The following PTCHD4 variants were observed in gnomAD, a reference collection of about 807,000 sequenced individuals.
PTCHD4 encodes the protein patched domain containing 4, also known as patched domain-containing protein 4.
A neutral mutation model predicts 58.1 loss-of-function variants in PTCHD4; 33 were observed. The ratio of observed to expected loss-of-function variants is 0.57; its 90% CI spans 0.43 to 0.76. The LOEUF (loss-of-function observed/expected upper bound fraction) is 0.76, where lower values mean the gene tolerates loss of function less well. PTCHD4 is among the 30% of genes least tolerant of loss of function. The pLI, the probability that PTCHD4 is intolerant of heterozygous loss-of-function variation, is 0.00. For synonymous variants in PTCHD4, 478 were observed against 409.6 expected (o/e 1.17, Z -2.02); for missense variants, 1,058 against 1,027.1 (o/e 1.03, Z -0.41).
At position 48,068,268 on chromosome 6, in the gene PTCHD4, C is replaced by G; in HGVS notation, c.379G>C (p.Gly127Arg). ...ACGGCTCGGTGGGTCTGCAGGATCCCCTCAGCCTGGAGCAAAATATTGTCC... is the reference window on the plus strand; with the variant it reads ...ACGGCTCGGTGGGTCTGCAGGATCCGCTCAGCCTGGAGCAAAATATTGTCC... ...TGDNILLQAE[G>R]ILQTHRAVLE... The change falls in exon 3 of 5, where the codon GGG becomes CGG. Residue 127 changes from glycine (G) to arginine (R), a missense_variant. By Grantham distance (125) the Gly-to-Arg change is moderately radical (BLOSUM62 -2). Coordinates refer to ENST00000339488, the MANE Select transcript of PTCHD4 (RefSeq NM_001384253.1). The surrounding 1 kb of genome is among the most constrained non-coding windows in gnomAD (Gnocchi z 4.2). 6.2e-7 allele frequency: 1 copy of G among 1,603,988 alleles called. No homozygotes were observed.
intron 4 of PTCHD4, among the ~76,000 whole-genome samples, chr6:47,920,433 G>A (rs573298090): frequency 6.6e-6 from 1 of 152,246 alleles, no homozygotes; most frequent in South Asian, 2.1e-4. Context: ...GGGGAATTAA[G>A]CATTGTATTC....
At chr6:47,880,536 A>C (rs1431147736) in intron 4 of PTCHD4, among the ~76,000 whole-genome samples, 1 of 151,908 alleles carries the variant, frequency 6.6e-6, no homozygotes, top group Non-Finnish European at 1.5e-5. Context: ...GTTTTTAAAA[A>C]AAAAATCTGC....
chr6:47,911,324 C>T (rs1765061799), intron 4 of PTCHD4, among the ~76,000 whole-genome samples: 2 of 152,096 alleles, frequency 1.3e-5, no homozygotes, highest in Admixed American at 6.6e-5. Flanking sequence ...TGTAAACCTA[C>T]CACTCCCCAC....
At chr6:48,059,607 C>A (rs560425444) in intron 3 of PTCHD4, among the ~76,000 whole-genome samples, 6 of 152,096 alleles carry the variant, frequency 3.9e-5, no homozygotes, top group Admixed American at 3.9e-4. Flanking sequence ...CCACTGCACT[C>A]AGTCTGGGCG....
chr6:47,975,313 C>G (rs920689651), intron 4 of PTCHD4, among the ~76,000 whole-genome samples: 1 of 152,170 alleles, frequency 6.6e-6, no homozygotes, highest in Non-Finnish European at 1.5e-5. Context: ...TGCATTCTGG[C>G]TGAAGCAGGT....
intron 4 of PTCHD4, among the ~76,000 whole-genome samples, chr6:47,911,076 T>C (rs1474961671): frequency 6.6e-6 from 1 of 152,124 alleles, no homozygotes; most frequent in African/African-American, 2.4e-5. Context: ...GGTGGTCACT[T>C]GCTTACTGTT....
chr6:47,944,134 A>G (rs892042105), intron 4 of PTCHD4, among the ~76,000 whole-genome samples: 1 of 152,084 alleles, frequency 6.6e-6, no homozygotes, highest in African/African-American at 2.4e-5. Context: ...CTATGTTTCT[A>G]TAATAAAAAT....
rs960543042 is a variant in PTCHD4 at position 47,946,267 on chromosome 6, A to T, written c.898+62367T>A. Among the ~76,000 whole-genome samples, 8 of 152,234 alleles carry T rather than the reference A, an allele frequency of 5.3e-5. No individual in the cohort carries two copies. The South Asian group carries it at 1.7e-3, about 32-fold the overall frequency. On this transcript the variant is annotated intron_variant, in intron 4 of 4. Transcript: ENST00000339488. The stretch of plus-strand genomic sequence containing the variant: ...ATTATTACTGCTTTTTTTCTGCTAC[A>T]TTTATCAATTATTGAGAGAAGTTCA...
chr6:48,035,050 T>A (rs1763582904), intron 3 of PTCHD4, among the ~76,000 whole-genome samples: 1 of 152,168 alleles, frequency 6.6e-6, no homozygotes, highest in Admixed American at 6.6e-5. Flanking sequence ...TATACCAAAA[T>A]GTATATCAAA....
At chr6:48,015,938 C>A (rs114521165) in intron 3 of PTCHD4, among the ~76,000 whole-genome samples, 3 of 151,534 alleles carry the variant, frequency 2.0e-5, no homozygotes, top group African/African-American at 7.3e-5. Context: ...TTTGCTAAGA[C>A]CAGGACAAGT....
intron 4 of PTCHD4, among the ~76,000 whole-genome samples, chr6:47,982,610 T>A (rs1767924950): frequency 6.7e-6 from 1 of 150,226 alleles, no homozygotes; most frequent in Non-Finnish European, 1.5e-5. Context: ...TGCCTCAGCC[T>A]CCCGAGTAGC....
chr6:48,075,703 CT>C (rs1331860176), intron 1 of PTCHD4, among the ~76,000 whole-genome samples: 2 of 152,146 alleles, frequency 1.3e-5, no homozygotes, highest in African/African-American at 4.8e-5. Context: ...ATACCATAGC[CT>C]GTTAGTTGTC....
At chr6:47,894,688 C>T (rs974207817) in intron 4 of PTCHD4, among the ~76,000 whole-genome samples, 1 of 152,212 alleles carries the variant, frequency 6.6e-6, no homozygotes, top group African/African-American at 2.4e-5. Flanking sequence ...AAGATTCATT[C>T]TTGAAGCTAT....
chr6:47,925,438 C>T (rs1450500182), intron 4 of PTCHD4, among the ~76,000 whole-genome samples: 1 of 152,140 alleles, frequency 6.6e-6, no homozygotes, highest in African/African-American at 2.4e-5. Context: ...ACACATCTCA[C>T]TGGCAGGGTA....
chr6:48,079,582 G>A (rs1411323939), intron 1 of PTCHD4, among the ~76,000 whole-genome samples: 1 of 151,244 alleles, frequency 6.6e-6, no homozygotes, highest in Non-Finnish European at 1.5e-5. Context: ...GTGAGAAGGG[G>A]ACTTTGTAGG....
chr6:48,072,475 A>G lies in PTCHD4; in HGVS notation c.-969-2549T>C, dbSNP rs377226530. On this transcript the variant is annotated intron_variant, in intron 1 of 4. Transcript: ENST00000339488. ...AGGAGTATTACTACTTCCTGGTACT[A>G]CAAAATGCTGCAGGCTCATCTTGTG... Among the ~76,000 whole-genome samples, 3 of 152,190 alleles carry G rather than the reference A, an allele frequency of 2.0e-5. No individual in the cohort carries two copies. In the South Asian group the frequency reaches 6.2e-4, roughly 32 times the overall value.
intron 1 of PTCHD4, among the ~76,000 whole-genome samples, chr6:48,079,678 AC>A (rs1411600642): frequency 6.6e-6 from 1 of 151,478 alleles, no homozygotes; most frequent in East Asian, 1.9e-4. Context: ...ATACCTTGTG[AC>A]AATAAAAAGC....
chr6:48,050,625 C>G (rs1764199061), intron 3 of PTCHD4, among the ~76,000 whole-genome samples: 1 of 151,958 alleles, frequency 6.6e-6, no homozygotes, highest in African/African-American at 2.4e-5. Flanking sequence ...AATTCATGCA[C>G]ATTATTTGGA....
chr6:47,878,698 A>T lies in PTCHD4; in HGVS notation c.2137T>A (p.Leu713Met). The change falls in exon 5 of 5, where the codon TTG becomes ATG. Residue 713 changes from leucine to methionine, a missense_variant. By Grantham distance (15) the Leu-to-Met change is conservative. Coordinates refer to ENST00000339488, the MANE Select transcript of PTCHD4 (RefSeq NM_001384253.1). The part of the protein sequence containing the change: ...WNVDMDCISI[L>M]CLIYTLNFAI... ...AAATTCAAGGTGTAGATAAGGCACA[A>T]GATAGAAATGCAATCCATGTCGACG... The T allele has an allele frequency of 6.2e-7, 1 of 1,613,248 alleles. No homozygotes were observed. Among genetic ancestry groups the T allele is most frequent in the Non-Finnish European group, 8.5e-7 (1 of 1,179,618 alleles).
Sources: gnomAD v4.1 joint callset for allele counts (sites outside exome capture counted in the v4.1 genomes callset) on GRCh38, gnomAD v4.1.1 for gene constraint, Gnocchi (gnomAD v3.1) non-coding constraint, MANE v1.5 for transcripts, NCBI Gene and HGNC (gene_info 2026-07-23, HGNC 2026-07-21) for gene names.